WAC: variants seen among roughly 807,000 people sequenced by gnomAD.
WAC encodes WW domain containing adaptor with coiled-coil.
WAC carries 11 observed loss-of-function variants against 79.6 expected under a neutral mutation model. The observed-to-expected ratio is 0.14, with a 90% confidence interval of 0.09 to 0.23. WAC has a LOEUF of 0.23. WAC is among the 10% of genes least tolerant of loss of function. The probability of loss-of-function intolerance (pLI) is 1.00; values close to 1 mark genes in which losing one functional copy is unlikely to be tolerated. For synonymous variants in WAC, 304 were observed against 276.9 expected (o/e 1.10, Z -0.97); for missense variants, 728 against 773.5 (o/e 0.94, Z 0.70).
At chr10:28,533,676 C>T (rs1836415993) in intron 1 of WAC, 56 bp downstream of exon 1, 1 of 1,500,848 alleles carries the variant, frequency 6.7e-7, no homozygotes, top group Non-Finnish European at 9.0e-7. Context: ...GGCGGGGGGG[C>T]TGTTCCTCCT....
chr10:28,537,783 A>T (rs1489693888), intron 3 of WAC: 1 of 151,846 alleles, frequency 6.6e-6, no homozygotes, highest in Non-Finnish European at 1.5e-5. Context: ...CTTCACTTTG[A>T]TTTTTTCATT....
Position 28,611,718 on chromosome 10 carries a change from T to A in WAC, c.1289-56T>A, listed in dbSNP as rs949748694. 5 of 1,587,742 alleles carry A rather than the reference T, an allele frequency of 3.1e-6. No homozygotes were observed. In the Admixed American group the frequency reaches 5.3e-5, roughly 17 times the overall value. On this transcript the variant is annotated intron_variant, in intron 9 of 13. Coordinates refer to ENST00000354911, the MANE Select transcript of WAC (RefSeq NM_016628.5). ...TTGCCACATATATTACAAAGGACTTTAGTTTTTTGTTTTGTTTTGTTTTTC... is the reference window on the plus strand; with the variant it reads ...TTGCCACATATATTACAAAGGACTTAAGTTTTTTGTTTTGTTTTGTTTTTC...
chr10:28,591,015 G>T, intron 6 of WAC, 183 bp downstream of exon 6: 1 of 574,560 alleles, frequency 1.7e-6, no homozygotes, highest in East Asian at 3.2e-5. Flanking sequence ...AAGATACACG[G>T]TCGAGTAGTA....
intron 7 of WAC, among the ~76,000 whole-genome samples, chr10:28,604,971 A>G (rs1347943307): frequency 2.6e-5 from 4 of 152,210 alleles, no homozygotes; most frequent in Non-Finnish European, 5.9e-5. Context: ...TATTAAACTC[A>G]GCTTTTAGTA....
intron 7 of WAC, among the ~76,000 whole-genome samples, chr10:28,604,844 TCCAAA>T (rs1727552580): frequency 6.6e-6 from 1 of 152,194 alleles, no homozygotes; most frequent in Non-Finnish European, 1.5e-5. Flanking sequence ...GTAAGGGCAC[TCCAAA>T]CCAAAGGGGA....
chr10:28,616,004 A>G (rs1355300608), intron 11 of WAC, 169 bp from the exon 12 acceptor site: 4 of 528,984 alleles, frequency 7.6e-6, no homozygotes, highest in Non-Finnish European at 9.5e-6. Flanking sequence ...GTTTTGAGGA[A>G]TCATATACTT....
intron 3 of WAC, chr10:28,537,472 C>G (rs1836743970): frequency 1.3e-5 from 2 of 152,164 alleles, no homozygotes; most frequent in Admixed American, 1.3e-4. Flanking sequence ...CAAATAGGCT[C>G]TTATTTTAGT....
intron 3 of WAC, among the ~76,000 whole-genome samples, chr10:28,540,489 T>C (rs886925786): frequency 1.4e-4 from 21 of 152,224 alleles, no homozygotes; most frequent in African/African-American, 4.3e-4. Context: ...TTTGTGTAGT[T>C]CTAGGCGCAG....
At chr10:28,591,719 C>T (rs1217682255) in intron 6 of WAC, 1 of 151,814 alleles carries the variant, frequency 6.6e-6, no homozygotes, top group Non-Finnish European at 1.5e-5. Context: ...ATTAACCACG[C>T]AGCTGTAATC....
chr10:28,614,574 C>T lies in WAC; in HGVS notation c.1445C>T (p.Thr482Ile), dbSNP rs1372624261. The T allele has an allele frequency of 3.7e-6, 6 of 1,613,752 alleles. No homozygotes were observed. In the Admixed American group the frequency reaches 6.7e-5, roughly 18 times the overall value. Reference sequence around the variant, plus strand: ...CAGATTTTGACATTTCAGGTTAGTACTCCAGTAGTTAAGCAAGGACCAGTG... The same window carrying T: ...CAGATTTTGACATTTCAGGTTAGTATTCCAGTAGTTAAGCAAGGACCAGTG... ...PPVSSQPKVS[T>I]PVVKQGPVSQ... Residue 482 changes from threonine to isoleucine, a missense_variant, in exon 11 of 14, where the codon ACT (threonine) becomes ATT (isoleucine). By Grantham distance (89) the Thr-to-Ile change is moderately conservative. Transcript: ENST00000354911.
chr10:28,581,858 A>G (rs1413500799), intron 3 of WAC, among the ~76,000 whole-genome samples: 1 of 152,034 alleles, frequency 6.6e-6, no homozygotes, highest in Admixed American at 6.6e-5. Context: ...TTTCTTCTTG[A>G]TTCTGTTCAT....
chr10:28,600,811 G>A (rs1389474912), intron 7 of WAC, among the ~76,000 whole-genome samples: 1 of 151,970 alleles, frequency 6.6e-6, no homozygotes, highest in African/African-American at 2.4e-5. Context: ...CTTGCGACAT[G>A]TAACAGGATA....
intron 7 of WAC, among the ~76,000 whole-genome samples, chr10:28,602,374 TAA>T (rs1840685979): frequency 6.6e-6 from 1 of 152,200 alleles, no homozygotes; most frequent in Admixed American, 6.5e-5. Context: ...GATACATGAG[TAA>T]AAATATGAAT....
chr10:28,622,887 C>G lies in WAC; in HGVS notation c.*3281C>G, dbSNP rs1473308612. Reference sequence around the variant, plus strand: ...TATTGTAGTTCAGGACTTCCAGCTACTGTATTTAGATGTTGGGTTTGAATA... The same window carrying G: ...TATTGTAGTTCAGGACTTCCAGCTAGTGTATTTAGATGTTGGGTTTGAATA... On this transcript the variant is annotated 3_prime_UTR_variant, in exon 14 of 14. Coordinates refer to ENST00000354911, the MANE Select transcript of WAC (RefSeq NM_016628.5). 6.6e-6 allele frequency: 1 copy of G among 152,152 alleles called. No individual in the cohort carries two copies. Among genetic ancestry groups the G allele is most frequent in the Non-Finnish European group, 1.5e-5 (1 of 68,040 alleles). The allele number at this position is 152,152 out of a possible 1,614,324, so 9.4% of individuals were successfully genotyped here.
chr10:28,589,746 C>T lies in WAC; in HGVS notation c.392C>T (p.Ser131Phe), dbSNP rs1216724128. Reference sequence around the variant, plus strand: ...AAATATATTTTTAAGCCTTATGATTCTGCAGATGACTGGTCTGAGCATATT... The same window carrying T: ...AAATATATTTTTAAGCCTTATGATTTTGCAGATGACTGGTCTGAGCATATT... The part of the protein sequence containing the change: ...PSKTSDAPYD[S>F]ADDWSEHISS... The change falls in exon 5 of 14, where the codon TCT becomes TTT. Residue 131 changes from serine to phenylalanine, a missense_variant. Physicochemically the swap from Ser to Phe is radical, Grantham distance 155. Coordinates refer to ENST00000354911, the MANE Select transcript of WAC (RefSeq NM_016628.5). The T allele has an allele frequency of 1.2e-6, 2 of 1,601,498 alleles. No homozygotes were observed. The highest frequency in any genetic ancestry group is 2.7e-5 in the African/African-American group (2 of 74,392).
At chr10:28,560,017 G>C (rs913155455) in intron 3 of WAC, among the ~76,000 whole-genome samples, 2 of 152,118 alleles carry the variant, frequency 1.3e-5, no homozygotes, top group Non-Finnish European at 2.9e-5. Flanking sequence ...AATTTTGAAA[G>C]AATCAACTGA....
intron 3 of WAC, among the ~76,000 whole-genome samples, chr10:28,543,549 G>A (rs757982204): frequency 3.3e-5 from 5 of 152,288 alleles, no homozygotes; most frequent in Non-Finnish European, 7.4e-5. Flanking sequence ...GAATGTGATC[G>A]CCCTGTTGGC....
At chr10:28,569,246 T>C (rs888563742) in intron 3 of WAC, among the ~76,000 whole-genome samples, 2 of 152,192 alleles carry the variant, frequency 1.3e-5, no homozygotes, top group African/African-American at 4.8e-5. Flanking sequence ...TTTTTAAAAA[T>C]AATGGTAAAA....
chr10:28,556,048 C>G (rs887590558), intron 3 of WAC, among the ~76,000 whole-genome samples: 1 of 152,142 alleles, frequency 6.6e-6, no homozygotes, highest in Non-Finnish European at 1.5e-5. Flanking sequence ...GATCAGATAT[C>G]GAGCATATCT....
Sources: allele counts gnomAD v4.1 joint callset (sites outside exome capture counted in the v4.1 genomes callset), GRCh38; gene constraint gnomAD v4.1.1; transcripts MANE v1.5; gene names NCBI Gene and HGNC (gene_info 2026-07-23, HGNC 2026-07-21).